Variants in UNKL observed in about 807,000 individuals in gnomAD.
UNKL encodes putative E3 ubiquitin-protein ligase UNKL.
UNKL carries 60 observed loss-of-function variants against 78.0 expected under a neutral mutation model. The ratio of observed to expected loss-of-function variants is 0.77; its 90% CI spans 0.63 to 0.95. The LOEUF (loss-of-function observed/expected upper bound fraction) is 0.95, where lower values mean the gene tolerates loss of function less well. Ranked by LOEUF, UNKL falls within the 40% of genes least tolerant of loss-of-function variation. The probability of loss-of-function intolerance (pLI) is 0.00; values close to 1 mark genes in which losing one functional copy is unlikely to be tolerated. For synonymous variants in UNKL, 608 were observed against 474.8 expected (o/e 1.28, Z -3.65); for missense variants, 1,159 against 1,045.7 (o/e 1.11, Z -1.49).
intron 14 of UNKL, among the ~76,000 whole-genome samples, chr16:1,366,888 C>CAGGAAAGGCGGCTCCCAGG (rs2035306785): frequency 6.1e-5 from 1 of 16,516 alleles, no homozygotes; most frequent in African/African-American, 1.3e-4. Flanking sequence ...GCCAGCCTGA[C>CAGGAAAGGCGGCTCCCAGG]AGGAAAGGCG....
In UNKL at chr16:1,401,779, C is replaced by CT. The variant is rs1236318145; in HGVS notation, c.465-79dup. ...TGAAACGAGGTCACTGGAGGGCACG[C>CT]TCCCCTCCCACCACTGCACAGAGAG... On this transcript the variant is annotated intron_variant, in intron 3 of 14. Transcript: ENST00000389221. The CT allele has an allele frequency of 2.5e-5, 38 of 1,524,332 alleles. No individual in the cohort carries two copies. In the African/African-American group the frequency reaches 4.2e-4, roughly 17 times the overall value. 94.4% of individuals were successfully genotyped at this position (1,524,332 alleles called of 1,614,324 possible).
intron 10 of UNKL, chr16:1,379,220 A>G (rs1843046452): frequency 6.5e-6 from 1 of 153,726 alleles, no homozygotes; most frequent in African/African-American, 2.4e-5. Flanking sequence ...CGCCAGGGAA[A>G]TTCCCGTACC....
In UNKL at chr16:1,366,155, A is replaced by T. The variant is rs1009449065; in HGVS notation, c.*85T>A. ...CAGCCTCGGTCCTCACGTCGGTGGC[A>T]CCAGAAGCGAGTGACGACATGTCCG... On this transcript the variant is annotated 3_prime_UTR_variant, in exon 15 of 15. Transcript: ENST00000389221. 1 of 1,391,684 alleles carries T rather than the reference A, an allele frequency of 7.2e-7. No homozygotes were observed. The highest frequency in any genetic ancestry group is 9.4e-7 in the Non-Finnish European group (1 of 1,062,230). 86.2% of individuals were successfully genotyped at this position (1,391,684 alleles called of 1,614,324 possible).
Position 1,366,375 on chromosome 16 carries a change from G to A in UNKL, c.2067C>T (p.Ala689=), listed in dbSNP as rs1462918168. 2 of 1,596,834 alleles carry A rather than the reference G, an allele frequency of 1.3e-6. No individual in the cohort carries two copies. Among genetic ancestry groups the A allele is most frequent in the Admixed American group, 3.4e-5 (2 of 58,874 alleles). The change falls in exon 15 of 15, where the codon GCC becomes GCT. Residue 689 remains alanine (A), a synonymous_variant. Coordinates refer to ENST00000389221, the MANE Select transcript of UNKL (RefSeq NM_001372107.1). The part of the protein sequence containing the change: ...AVDGVIFQLR[A]KQCVACRERA... ...GCTCCCGGCAGGCCACACACTGCTT[G>A]GCGCGGAGCTGGAAGATCACCTGCA...
intron 10 of UNKL, among the ~76,000 whole-genome samples, chr16:1,382,723 C>T (rs2036647189): frequency 1.3e-5 from 2 of 152,056 alleles, no homozygotes; most frequent in Middle Eastern, 3.4e-3. Flanking sequence ...TTTGGGAGGC[C>T]GAGTTGGGAG....
chr16:1,366,080 G>A lies in UNKL; in HGVS notation c.*160C>T, dbSNP rs577149905. The A allele has an allele frequency of 1.2e-6, 1 of 818,408 alleles. No homozygotes were observed. Among genetic ancestry groups the A allele is most frequent in the East Asian group, 3.0e-5 (1 of 32,820 alleles). 50.7% of individuals were successfully genotyped at this position (818,408 alleles called of 1,614,324 possible). ...GTGACAGGAAAGGCTGTCAGGCCAA[G>A]CGCAGGCGGGGCTCCCAGCCTCATG... On this transcript the variant is annotated 3_prime_UTR_variant, in exon 15 of 15. Coordinates refer to ENST00000389221, the MANE Select transcript of UNKL (RefSeq NM_001372107.1).
intron 10 of UNKL, among the ~76,000 whole-genome samples, chr16:1,375,665 G>A (rs1223613707): frequency 2.0e-5 from 3 of 152,192 alleles, no homozygotes; most frequent in African/African-American, 7.2e-5. Context: ...AACAGGTTGG[G>A]GGTCGGGGCA....
At chr16:1,411,237 A>G (rs1485650277) in intron 2 of UNKL, among the ~76,000 whole-genome samples, 1 of 152,096 alleles carries the variant, frequency 6.6e-6, no homozygotes, top group East Asian at 1.9e-4. Flanking sequence ...TAGAGAGTCT[A>G]TAGCTCCAGA....
chr16:1,391,977 C>G lies in UNKL; in HGVS notation c.1023+914G>C, dbSNP rs905548850. On this transcript the variant is annotated intron_variant, in intron 8 of 14. Transcript: ENST00000389221. Reference sequence around the variant, plus strand: ...TGCTGGGATTACAGGCGTGAGCCACCGCGCCCGGCCCTGAGTTCCATTTCT... The same window carrying G: ...TGCTGGGATTACAGGCGTGAGCCACGGCGCCCGGCCCTGAGTTCCATTTCT... Among the ~76,000 whole-genome samples, 7 of 152,206 alleles carry G rather than the reference C, an allele frequency of 4.6e-5. No homozygotes were observed. In the East Asian group the frequency reaches 1.2e-3, roughly 25 times the overall value.
chr16:1,376,357 G>T (rs1266373038), intron 10 of UNKL, among the ~76,000 whole-genome samples: 1 of 144,854 alleles, frequency 6.9e-6, no homozygotes, highest in African/African-American at 2.6e-5. Flanking sequence ...CTAGGGCTGG[G>T]GTGCTCCTCT....
Position 1,396,492 on chromosome 16 carries a change from T to A in UNKL, c.852+686A>T, listed in dbSNP as rs541927374. Among the ~76,000 whole-genome samples the A allele has an allele frequency of 3.4e-4, 51 of 150,180 alleles. 1 individual carries two copies. In the South Asian group the frequency reaches 0.01, roughly 31 times the overall value. On this transcript the variant is annotated intron_variant, in intron 6 of 14. Transcript: ENST00000389221. The stretch of plus-strand genomic sequence containing the variant: ...AGTACAGACATGTTGACCAGGCTGG[T>A]TTCGAACCCCTGACCTCAAGTGATT...
chr16:1,370,052 CTCAG>C, intron 12 of UNKL, 74 bp downstream of exon 12: 1 of 1,550,708 alleles, frequency 6.4e-7, no homozygotes, highest in Non-Finnish European at 8.7e-7. Context: ...TGTGAGGCCC[CTCAG>C]TCAGGACGGC....
chr16:1,367,801 C>G lies in UNKL; in HGVS notation c.1643G>C (p.Ser548Thr). ...GCCGGCACTCAGGATGGGGGAGGGG[C>G]TGGGGGAGAAGCTGCCGGAAACAAA... ...WDFVSGSFSP[S>T]PSPILSAGPP... Residue 548 changes from serine to threonine, a missense_variant, in exon 13 of 15, where the codon AGC becomes ACC. Ser to Thr is a moderately conservative substitution (Grantham distance 58). Transcript: ENST00000389221. 6.3e-7 allele frequency: 1 copy of G among 1,575,360 alleles called. No homozygotes were observed. Among genetic ancestry groups the G allele is most frequent in the Non-Finnish European group, 8.6e-7 (1 of 1,161,250 alleles).
intron 6 of UNKL, chr16:1,395,949 T>C (rs1471760481): frequency 1.2e-4 from 43 of 356,982 alleles, no homozygotes; most frequent in Non-Finnish European, 1.3e-4. Flanking sequence ...TGGCTGAGGA[T>C]TTTACTTTTT....
At chr16:1,400,508 G>A (rs1361403448) in intron 4 of UNKL, among the ~76,000 whole-genome samples, 3 of 149,974 alleles carry the variant, frequency 2.0e-5, no homozygotes, top group Non-Finnish European at 1.5e-5. Flanking sequence ...ATGGGATGCA[G>A]GCCAGTGAGT....
At chr16:1,394,058 C>T (rs955409886) in intron 7 of UNKL, 73 bp downstream of exon 7, 152 of 1,467,348 alleles carry the variant, frequency 1.0e-4, no homozygotes, top group Non-Finnish European at 1.2e-4. Flanking sequence ...TCCGGGTCAT[C>T]GGTAACTCCA....
chr16:1,382,999 C>T (rs978350840), intron 10 of UNKL, among the ~76,000 whole-genome samples: 9 of 151,318 alleles, frequency 5.9e-5, no homozygotes, highest in Non-Finnish European at 4.4e-5. Context: ...GTGGCTCACA[C>T]CTGCAACCCC....
chr16:1,412,152 T>C (rs1301594837), intron 2 of UNKL: 2 of 152,230 alleles, frequency 1.3e-5, no homozygotes, highest in African/African-American at 4.8e-5. Context: ...TAGAACCTGA[T>C]ACCACCTCCC....
rs1397591057 is a variant in UNKL, at chr16:1,371,591, G to A, written c.1285C>T (p.Leu429Phe). Residue 429 changes from leucine to phenylalanine, a missense_variant, in exon 11 of 15, where the codon CTT becomes TTT. Leu to Phe is a conservative substitution (Grantham distance 22). Coordinates refer to ENST00000389221, the MANE Select transcript of UNKL (RefSeq NM_001372107.1). Reference sequence around the variant, plus strand: ...AGGGATGCAATATTCACATTGCTAAGATGCAGGTCTAACGCAGAACCTGTC... The same window carrying A: ...AGGGATGCAATATTCACATTGCTAAAATGCAGGTCTAACGCAGAACCTGTC... Reference protein sequence around the residue: ...AVLGSALDLHLSNVNIASLEK... With the variant: ...AVLGSALDLHFSNVNIASLEK... The A allele has an allele frequency of 2.6e-6, 4 of 1,536,064 alleles. No homozygotes were observed. The South Asian group carries it at 3.6e-5, about 14-fold the overall frequency.
Sources: allele counts gnomAD v4.1 joint callset (sites outside exome capture counted in the v4.1 genomes callset), GRCh38; gene constraint gnomAD v4.1.1; transcripts MANE v1.5; gene names NCBI Gene and HGNC (gene_info 2026-07-23, HGNC 2026-07-21).